The following SAPCD2 variants were observed in gnomAD, a reference collection of about 807,000 sequenced individuals.
SAPCD2 encodes the protein suppressor APC domain containing 2.
Under a neutral mutation model 37.8 loss-of-function variants are expected in SAPCD2, and 34 were observed. The ratio of observed to expected loss-of-function variants is 0.90; its 90% CI spans 0.68 to 1.20. The LOEUF is 1.20. Among genes scored for constraint, SAPCD2 ranks in the 50% most tolerant of loss-of-function variants. The pLI is 0.00. For missense variants in SAPCD2, 572 were observed against 584.7 expected (o/e 0.98, Z 0.22); for synonymous variants, 275 against 270.3 (o/e 1.02, Z -0.17).
chr9:137,064,577 G>T lies in SAPCD2; in HGVS notation c.*82C>A. 5 of 1,491,374 alleles carry T rather than the reference G, an allele frequency of 3.4e-6. No individual in the cohort carries two copies. The highest frequency in any genetic ancestry group is 4.6e-6 in the Non-Finnish European group (5 of 1,098,070). 92.4% of individuals were successfully genotyped at this position (1,491,374 alleles called of 1,614,324 possible). On this transcript the variant is annotated 3_prime_UTR_variant, in exon 6 of 6. Coordinates refer to ENST00000409687, the MANE Select transcript of SAPCD2 (RefSeq NM_178448.4). ...TGGGCCTGCCGGGGGTCTCCAGCCA[G>T]AGAGGGTGGGTGCGATGGGGCGCCC...
At chr9:137,067,774 C>CAAAAAAAAAAAAA (rs36035728) in intron 1 of SAPCD2, among the ~76,000 whole-genome samples, 1 of 44,678 alleles carries the variant, frequency 2.2e-5, no homozygotes, top group Non-Finnish European at 3.8e-5. Context: ...GACTCCATCT[C>CAAAAAAAAAAAAA]AAAAAAAAAA....
At position 137,070,353 on chromosome 9, in the gene SAPCD2, G is replaced by C; in HGVS notation, c.108C>G (p.Phe36Leu). ...CGCGCCGCCGGTCGTCCAGGATGTCGAACAGGGTGCGCAGGCTCTGCAGGA... is the reference window on the plus strand; with the variant it reads ...CGCGCCGCCGGTCGTCCAGGATGTCCAACAGGGTGCGCAGGCTCTGCAGGA... ...RAFLQSLRTL[F>L]DILDDRRRGC... Residue 36 changes from phenylalanine (F) to leucine (L), a missense_variant, in exon 1 of 6, where the codon TTC becomes TTG. Coordinates refer to ENST00000409687, the MANE Select transcript of SAPCD2 (RefSeq NM_178448.4). The C allele has an allele frequency of 6.8e-7, 1 of 1,468,526 alleles. No individual in the cohort carries two copies. Among genetic ancestry groups the C allele is most frequent in the East Asian group, 3.0e-5 (1 of 33,854 alleles). The allele number at this position is 1,468,526 out of a possible 1,614,324, so 91.0% of individuals were successfully genotyped here.
chr9:137,062,584 G>GTACC lies in SAPCD2; in HGVS notation c.*2071_*2074dup, dbSNP rs1810739301. The GTACC allele has an allele frequency of 6.6e-6, 1 of 152,232 alleles. No homozygotes were observed. Among genetic ancestry groups the GTACC allele is most frequent in the African/African-American group, 2.4e-5 (1 of 41,462 alleles). 9.4% of individuals were successfully genotyped at this position (152,232 alleles called of 1,614,324 possible). The stretch of plus-strand genomic sequence containing the variant: ...CATCACAGTGTGCACGCACGTGTAT[G>GTACC]TACCTGCACACGCTACTGGCACCTC... On this transcript the variant is annotated 3_prime_UTR_variant, in exon 6 of 6. Transcript: ENST00000409687.
At chr9:137,069,826 A>C in intron 1 of SAPCD2, 64 bp downstream of exon 1, 1 of 1,072,062 alleles carries the variant, frequency 9.3e-7, no homozygotes, top group Non-Finnish European at 1.2e-6. Context: ...CAGCTGTGGG[A>C]CTGCGGTTTC....
At chr9:137,065,773 A>C in intron 2 of SAPCD2, 105 bp from the exon 3 acceptor site, 2 of 1,354,518 alleles carry the variant, frequency 1.5e-6, no homozygotes, top group Non-Finnish European at 2.0e-6. Context: ...ACAGACACAA[A>C]TGCAGCAGCA....
At position 137,066,314 on chromosome 9, in the gene SAPCD2, G is replaced by A; in HGVS notation, c.632C>T (p.Ala211Val). The change falls in exon 2 of 6, where the codon GCC (alanine) becomes GTC (valine). Residue 211 changes from alanine to valine, a missense_variant. Ala to Val is a moderately conservative substitution (Grantham distance 64). Coordinates refer to ENST00000409687, the MANE Select transcript of SAPCD2 (RefSeq NM_178448.4). ...GGTGTGCCTCCGACGTTCCCCTCGGGCACGGGGAGCCCGCCGGGCATCCCC... is the reference window on the plus strand; with the variant it reads ...GGTGTGCCTCCGACGTTCCCCTCGGACACGGGGAGCCCGCCGGGCATCCCC... ...DSGDARRAPR[A>V]RGERRRHTIA... 1 of 1,609,994 alleles carries A rather than the reference G, an allele frequency of 6.2e-7. No homozygotes were observed. Among genetic ancestry groups the A allele is most frequent in the Non-Finnish European group, 8.5e-7 (1 of 1,179,078 alleles).
intron 5 of SAPCD2, 35 bp downstream of exon 5, chr9:137,064,828 C>A (rs200000354): frequency 5.7e-6 from 9 of 1,580,720 alleles, no homozygotes; most frequent in Non-Finnish European, 7.7e-6. Flanking sequence ...CGGGGCCTCA[C>A]CCCCACCCCT....
chr9:137,068,890 G>A (rs545523095), intron 1 of SAPCD2, among the ~76,000 whole-genome samples: 9 of 152,370 alleles, frequency 5.9e-5, no homozygotes, highest in African/African-American at 2.2e-4. Context: ...TAGAACTAGG[G>A]GTCCCCCAGC....
At position 137,065,579 on chromosome 9, in the gene SAPCD2, C is replaced by T; in HGVS notation, c.774G>A (p.Gln258=). ...MMARGRDWYQ[Q]QLQRVQERQR... ...GGCGCTCCTGCACTCGTTGCAGCTG[C>T]TGCTGGTACCAGTCGCGGCCCCGCG... The change falls in exon 3 of 6, where the codon CAG becomes CAA. Residue 258 remains glutamine, a synonymous_variant. Transcript: ENST00000409687. 2.5e-6 allele frequency: 4 copies of T among 1,610,578 alleles called. No homozygotes were observed. The highest frequency in any genetic ancestry group is 3.4e-6 in the Non-Finnish European group (4 of 1,178,264).
chr9:137,066,150 T>C (rs1314152793), intron 2 of SAPCD2, 112 bp downstream of exon 2: 1 of 833,060 alleles, frequency 1.2e-6, no homozygotes. Context: ...TGTCCAGAGC[T>C]GACTGTACTT....
chr9:137,066,588 G>A (rs1230244872), intron 1 of SAPCD2, among the ~76,000 whole-genome samples: 2 of 152,218 alleles, frequency 1.3e-5, no homozygotes, highest in African/African-American at 4.8e-5. Flanking sequence ...CGCCAAGCCC[G>A]CATGTTTGCT....
chr9:137,068,347 T>G lies in SAPCD2; in HGVS notation c.571+1543A>C, dbSNP rs115522557. On this transcript the variant is annotated intron_variant, in intron 1 of 5. Transcript: ENST00000409687. ...ATAGAGCAGCTCCTGGGTCCCCAGA[T>G]AGCAGCGTGCTGGGTGATGAGCTAG... 5.5e-3 allele frequency among the ~76,000 whole-genome samples: 838 copies of G among 152,306 alleles called. 10 individuals are homozygous for G. The highest frequency in any genetic ancestry group is 0.02 in the African/African-American group (812 of 41,578).
In SAPCD2 at chr9:137,070,063, G is replaced by T. The variant is rs1832601763; in HGVS notation, c.398C>A (p.Thr133Lys). The T allele has an allele frequency of 5.0e-6, 6 of 1,196,998 alleles. No individual in the cohort carries two copies. The highest frequency in any genetic ancestry group is 6.2e-6 in the Non-Finnish European group (6 of 965,728). 74.1% of individuals were successfully genotyped at this position (1,196,998 alleles called of 1,614,324 possible). ...GGGCAGGGGCTTCCTCTCCAGGACCGTCCGCGGCTCGTCGGCCGGAGCGAA... is the reference window on the plus strand; with the variant it reads ...GGGCAGGGGCTTCCTCTCCAGGACCTTCCGCGGCTCGTCGGCCGGAGCGAA... ...LVFAPADEPR[T>K]VLERKPLPLG... Residue 133 changes from threonine to lysine, a missense_variant, in exon 1 of 6, where the codon ACG becomes AAG. Coordinates refer to ENST00000409687, the MANE Select transcript of SAPCD2 (RefSeq NM_178448.4).
Position 137,062,696 on chromosome 9 carries a change from A to G in SAPCD2, c.*1963T>C, listed in dbSNP as rs1231416721. On this transcript the variant is annotated 3_prime_UTR_variant, in exon 6 of 6. Transcript: ENST00000409687. ...AGGGCAGGCTCCAGGCAGGGTCTGCATGTGCCTCTGCCAGCCACCTAGACC... is the reference window on the plus strand; with the variant it reads ...AGGGCAGGCTCCAGGCAGGGTCTGCGTGTGCCTCTGCCAGCCACCTAGACC... 6.6e-6 allele frequency: 1 copy of G among 152,194 alleles called. No individual in the cohort carries two copies. The highest frequency in any genetic ancestry group is 2.4e-5 in the African/African-American group (1 of 41,442). 9.4% of individuals were successfully genotyped at this position (152,194 alleles called of 1,614,324 possible).
At position 137,070,455 on chromosome 9, in the gene SAPCD2, G is replaced by C. The variant is rs902478561; in HGVS notation, c.6C>G (p.Ala2=). The C allele has an allele frequency of 8.1e-7, 1 of 1,230,280 alleles. No homozygotes were observed. The highest frequency in any genetic ancestry group is 1.6e-5 in the African/African-American group (1 of 63,636). 76.2% of individuals were successfully genotyped at this position (1,230,280 alleles called of 1,614,324 possible). A position where few individuals can be genotyped will look rare whatever the true frequency, so the allele number is the denominator to read the frequency against. M[A]GAAMAERGRV... ...GGCCCCGCTCGGCCATGGCGGCCCC[G>C]GCCATGGGCGCCCGGGATCGGTCCC... Residue 2 remains alanine (A), a synonymous_variant, in exon 1 of 6, where the codon GCC becomes GCG. Coordinates refer to ENST00000409687, the MANE Select transcript of SAPCD2 (RefSeq NM_178448.4).
At position 137,063,860 on chromosome 9, in the gene SAPCD2, G is replaced by A. The variant is rs1027933387; in HGVS notation, c.*799C>T. Reference sequence around the variant, plus strand: ...CCCCAGGCCTTGGAAATCCTGAGTCGGGGGAACAGGCTTTGCCTATGACGT... The same window carrying A: ...CCCCAGGCCTTGGAAATCCTGAGTCAGGGGAACAGGCTTTGCCTATGACGT... On this transcript the variant is annotated 3_prime_UTR_variant, in exon 6 of 6. Transcript: ENST00000409687. 1.3e-5 allele frequency: 2 copies of A among 152,304 alleles called. No individual in the cohort carries two copies. The highest frequency in any genetic ancestry group is 4.8e-5 in the African/African-American group (2 of 41,412). 9.4% of individuals were successfully genotyped at this position (152,304 alleles called of 1,614,324 possible). A position where few individuals can be genotyped will look rare whatever the true frequency, so the allele number is the denominator to read the frequency against.
chr9:137,064,432 C>G lies in SAPCD2; in HGVS notation c.*227G>C, dbSNP rs1832511356. On this transcript the variant is annotated 3_prime_UTR_variant, in exon 6 of 6. Transcript: ENST00000409687. ...TATGCGGACTCAAGAGAGCCCCAGC[C>G]CATGTCAGCACCAGGAGCCAAAACG... 1.0e-5 allele frequency: 6 copies of G among 592,502 alleles called. No homozygotes were observed. Among genetic ancestry groups the G allele is most frequent in the South Asian group, 7.9e-5 (4 of 50,502 alleles). 36.7% of individuals were successfully genotyped at this position (592,502 alleles called of 1,614,324 possible).
chr9:137,070,111 G>T lies in SAPCD2; in HGVS notation c.350C>A (p.Pro117Gln). ...GAACACCAGGCGCTGCGGCGGCGGCGGCGGCTGATCCCCGGGCCGGGCCGG... is the reference window on the plus strand; with the variant it reads ...GAACACCAGGCGCTGCGGCGGCGGCTGCGGCTGATCCCCGGGCCGGGCCGG... ...RAPARPGDQP[P>Q]PPPQRLVFAP... Residue 117 changes from proline to glutamine, a missense_variant, in exon 1 of 6, where the codon CCG becomes CAG. Coordinates refer to ENST00000409687, the MANE Select transcript of SAPCD2 (RefSeq NM_178448.4). The T allele has an allele frequency of 8.4e-7, 1 of 1,190,560 alleles. No individual in the cohort carries two copies. Among genetic ancestry groups the T allele is most frequent in the African/African-American group, 1.6e-5 (1 of 62,584 alleles). 73.7% of individuals were successfully genotyped at this position (1,190,560 alleles called of 1,614,324 possible).
Position 137,070,432 on chromosome 9 carries a change from C to CGAGGGGACCGAT in SAPCD2, c.28_29insATCGGTCCCCTC (p.Gly10delinsAspArgSerProArg). ...CGCGGGTGCGGGGGGAGGCACGCGGCCCCGCTCGGCCATGGCGGCCCCGGC... is the reference window on the plus strand; with the variant it reads ...CGCGGGTGCGGGGGGAGGCACGCGGCGAGGGGACCGATCCCGCTCGGCCATGGCGGCCCCGGC... On this transcript the variant is annotated protein_altering_variant, in exon 1 of 6. Transcript: ENST00000409687. 1.6e-6 allele frequency: 2 copies of CGAGGGGACCGAT among 1,265,344 alleles called. No individual in the cohort carries two copies. The allele number at this position is 1,265,344 out of a possible 1,614,324, so 78.4% of individuals were successfully genotyped here.
Sources: allele counts gnomAD v4.1 joint callset (sites outside exome capture counted in the v4.1 genomes callset), GRCh38; gene constraint gnomAD v4.1.1; transcripts MANE v1.5; gene names NCBI Gene and HGNC (gene_info 2026-07-23, HGNC 2026-07-21).